The following EGFLAM variants were observed in gnomAD, a reference collection of about 807,000 sequenced individuals.
The protein encoded by EGFLAM is EGF like, fibronectin type III and laminin G domains.
In EGFLAM, 79 loss-of-function variants were observed where a neutral mutation model predicts 113.1. That is an observed-to-expected ratio of 0.70 (90% CI 0.58 to 0.84). The LOEUF is 0.84. EGFLAM is among the 40% of genes least tolerant of loss of function. The pLI is 0.00. For synonymous variants in EGFLAM, 504 were observed against 487.6 expected, an observed-to-expected ratio of 1.03 and a Z score of -0.44; for missense variants, 1,265 against 1,291.6, an observed-to-expected ratio of 0.98 and a Z score of 0.32.
At chr5:38,306,389 G>T (rs1479080525) in intron 1 of EGFLAM, among the ~76,000 whole-genome samples, 1 of 152,122 alleles carries the variant, frequency 6.6e-6, no homozygotes, top group African/African-American at 2.4e-5. Flanking sequence ...AGATGGCTGC[G>T]TGGCTAGGCT....
intron 19 of EGFLAM, among the ~76,000 whole-genome samples, chr5:38,456,943 C>A (rs1013246296): frequency 1.3e-5 from 2 of 152,172 alleles, no homozygotes; most frequent in African/African-American, 2.4e-5. Context: ...AGTAGTCACT[C>A]ACTAAATATT....
chr5:38,336,817 C>T (rs1177225985), intron 1 of EGFLAM, among the ~76,000 whole-genome samples: 4 of 151,068 alleles, frequency 2.6e-5, no homozygotes, highest in Non-Finnish European at 5.9e-5. Context: ...TGTATAGAAA[C>T]ACACACACGT....
intron 17 of EGFLAM, among the ~76,000 whole-genome samples, chr5:38,441,631 C>T (rs59034138): frequency 0.039 from 5,973 of 152,010 alleles, 436 homozygotes; most frequent in African/African-American, 0.14. Flanking sequence ...CACGCATTCA[C>T]GTACACGAAA....
At chr5:38,289,695 T>C (rs1165983111) in intron 1 of EGFLAM, among the ~76,000 whole-genome samples, 2 of 152,108 alleles carry the variant, frequency 1.3e-5, no homozygotes, top group Non-Finnish European at 2.9e-5. Flanking sequence ...TTGGAACGCA[T>C]GGAGAAATGG....
intron 6 of EGFLAM, among the ~76,000 whole-genome samples, chr5:38,400,280 G>T: frequency 6.6e-6 from 1 of 152,010 alleles, no homozygotes; most frequent in Non-Finnish European, 1.5e-5. Flanking sequence ...CAAAGCACAG[G>T]TTTTTTTATA....
At chr5:38,447,963 C>A (rs919259753) in intron 17 of EGFLAM, among the ~76,000 whole-genome samples, 1 of 152,178 alleles carries the variant, frequency 6.6e-6, no homozygotes, top group African/African-American at 2.4e-5. Context: ...GGGTTATCCC[C>A]AGCTGCTCCC....
At chr5:38,306,701 C>A (rs896068394) in intron 1 of EGFLAM, among the ~76,000 whole-genome samples, 1 of 152,182 alleles carries the variant, frequency 6.6e-6, no homozygotes, top group African/African-American at 2.4e-5. Context: ...TATGATGCCT[C>A]CTGTGGGTAT....
intron 18 of EGFLAM, among the ~76,000 whole-genome samples, chr5:38,449,463 A>G (rs948187551): frequency 1.3e-5 from 2 of 152,196 alleles, no homozygotes; most frequent in African/African-American, 4.8e-5. Flanking sequence ...CTCCTTCTTC[A>G]GCCCTTTCTC....
intron 7 of EGFLAM, 51 bp from the exon 8 acceptor site, chr5:38,406,777 A>G (rs1317558861): frequency 1.0e-5 from 16 of 1,541,788 alleles, no homozygotes; most frequent in Non-Finnish European, 1.4e-5. Context: ...AAAACAGTCC[A>G]ATTGCCATGC....
intron 1 of EGFLAM, among the ~76,000 whole-genome samples, chr5:38,317,542 G>A (rs1299270230): frequency 6.6e-6 from 1 of 152,170 alleles, no homozygotes; most frequent in Non-Finnish European, 1.5e-5. Context: ...ATAAATTATA[G>A]CTGTTATCAT....
intron 5 of EGFLAM, among the ~76,000 whole-genome samples, chr5:38,356,898 C>T (rs140559429): frequency 4.5e-4 from 68 of 152,188 alleles, no homozygotes; most frequent in African/African-American, 1.5e-3. Flanking sequence ...AAAACTCATA[C>T]GTTAAATTCG....
chr5:38,317,632 C>T lies in EGFLAM; in HGVS notation c.98-19888C>T, dbSNP rs538297263. 2.6e-5 allele frequency among the ~76,000 whole-genome samples: 4 copies of T among 152,258 alleles called. No homozygotes were observed. In the South Asian group the frequency reaches 8.3e-4, roughly 32 times the overall value. On this transcript the variant is annotated intron_variant, in intron 1 of 21. Coordinates refer to ENST00000322350, the MANE Select transcript of EGFLAM (RefSeq NM_152403.4). ...AAAGGGATGTGGTTGGTTTGTTTTC[C>T]ATTTAAAAATGATTATTGATCTCTA... is the stretch of plus-strand genomic sequence containing the variant.
intron 9 of EGFLAM, among the ~76,000 whole-genome samples, 168 bp from the exon 10 acceptor site, chr5:38,408,836 A>T (rs1297354978): frequency 6.6e-6 from 1 of 152,178 alleles, no homozygotes. Flanking sequence ...TTGAAAATGA[A>T]CTGGGACCAG....
At chr5:38,259,415 C>G (rs1032434431) in intron 1 of EGFLAM, among the ~76,000 whole-genome samples, 1 of 152,168 alleles carries the variant, frequency 6.6e-6, no homozygotes, top group Non-Finnish European at 1.5e-5. Flanking sequence ...GTTTTGAACT[C>G]CTGTCTTTGC....
At chr5:38,447,273 T>C (rs1422085792) in intron 17 of EGFLAM, among the ~76,000 whole-genome samples, 1 of 152,156 alleles carries the variant, frequency 6.6e-6, no homozygotes, top group Non-Finnish European at 1.5e-5. Flanking sequence ...ATTGGAAAGT[T>C]GAGAGGGGGC....
intron 5 of EGFLAM, among the ~76,000 whole-genome samples, chr5:38,363,515 T>A (rs1739981587): frequency 6.6e-6 from 1 of 152,218 alleles, no homozygotes; most frequent in Admixed American, 6.5e-5. Flanking sequence ...AACATTAGAA[T>A]CACAAGTATT....
At chr5:38,384,544 C>T (rs1002235428) in intron 6 of EGFLAM, among the ~76,000 whole-genome samples, 1 of 152,146 alleles carries the variant, frequency 6.6e-6, no homozygotes, top group Admixed American at 6.5e-5. Flanking sequence ...ATGCCTTTGC[C>T]TTTCTTAGTG....
chr5:38,434,500 C>T (rs1742284396), intron 15 of EGFLAM, among the ~76,000 whole-genome samples: 1 of 152,178 alleles, frequency 6.6e-6, no homozygotes. Context: ...ATGATCAAAG[C>T]TGCTACTATT....
Position 38,412,241 on chromosome 5 carries a change from T to G in EGFLAM, c.1350-263T>G, listed in dbSNP as rs555950398. ...ACCCAAATGCCCATGATTTTCTAAG[T>G]TGCAGAAAAAATCAGGTTAACAAAG... On this transcript the variant is annotated intron_variant, in intron 10 of 21. Transcript: ENST00000322350. Among the ~76,000 whole-genome samples the G allele has an allele frequency of 3.7e-4, 56 of 152,276 alleles. No individual in the cohort carries two copies. The South Asian group carries it at 0.011, about 31-fold the overall frequency.
Sources: gnomAD v4.1 joint callset for allele counts (sites outside exome capture counted in the v4.1 genomes callset) on GRCh38, gnomAD v4.1.1 for gene constraint, MANE v1.5 for transcripts, NCBI Gene and HGNC (gene_info 2026-07-23, HGNC 2026-07-21) for gene names.